The following CDIN1 variants were observed in gnomAD, a reference collection of about 807,000 sequenced individuals.
CDIN1 encodes CDAN1 interacting nuclease 1.
In CDIN1, 33 loss-of-function variants were observed where a neutral mutation model predicts 45.3. The observed-to-expected ratio is 0.73, with a 90% confidence interval of 0.55 to 0.97. The LOEUF is 0.97. Among genes scored for constraint, CDIN1 ranks in the 50% least tolerant of loss-of-function variants. CDIN1 has a pLI of 0.00. For synonymous variants in CDIN1, 118 were observed against 124.4 expected (o/e 0.95, Z 0.34); for missense variants, 303 against 339.4 (o/e 0.89, Z 0.84).
chr15:36,791,123 AAAT>A (rs2054634995), intron 10 of CDIN1, among the ~76,000 whole-genome samples: 1 of 152,218 alleles, frequency 6.6e-6, no homozygotes, highest in South Asian at 2.1e-4. Context: ...GAACAAAGGC[AAAT>A]GAATCAGTAA....
chr15:36,648,427 ATTTTTT>A (rs4008147), intron 3 of CDIN1, among the ~76,000 whole-genome samples: 1 of 91,068 alleles, frequency 1.1e-5, no homozygotes, highest in Admixed American at 1.7e-4. Context: ...CCAATATTCT[ATTTTTT>A]TTTTTTTTTT....
At chr15:36,654,461 G>T (rs923200598) in intron 4 of CDIN1, among the ~76,000 whole-genome samples, 1 of 140,210 alleles carries the variant, frequency 7.1e-6, no homozygotes, top group East Asian at 2.1e-4. Flanking sequence ...CTTAGGATAG[G>T]TTGTCTTAAT....
chr15:36,676,101 T>C (rs928396222), intron 5 of CDIN1, among the ~76,000 whole-genome samples: 72 of 152,280 alleles, frequency 4.7e-4, no homozygotes, highest in African/African-American at 1.5e-3. Context: ...GCACTGTCCC[T>C]GGCTGTAATT....
chr15:36,584,810 G>A (rs1326677909), intron 1 of CDIN1, among the ~76,000 whole-genome samples: 2 of 152,194 alleles, frequency 1.3e-5, no homozygotes, highest in African/African-American at 2.4e-5. Flanking sequence ...TCACGCAGAC[G>A]TCAGGAGAAC....
chr15:36,596,733 A>G (rs562139506), intron 1 of CDIN1, among the ~76,000 whole-genome samples: 1 of 152,242 alleles, frequency 6.6e-6, no homozygotes, highest in South Asian at 2.1e-4. Context: ...CAGCAAGACA[A>G]CCAATTAGAT....
intron 1 of CDIN1, chr15:36,618,047 AGT>A: frequency 1.3e-6 from 1 of 774,402 alleles, no homozygotes; most frequent in Non-Finnish European, 2.4e-6. Context: ...CTCGGTCTAT[AGT>A]ATTATTCCTC....
chr15:36,684,230 T>C (rs1207140492), intron 5 of CDIN1, among the ~76,000 whole-genome samples: 5 of 150,968 alleles, frequency 3.3e-5, no homozygotes, highest in Non-Finnish European at 7.4e-5. Flanking sequence ...ATAGCTCTTA[T>C]TATTTTGAAA....
intron 3 of CDIN1, among the ~76,000 whole-genome samples, chr15:36,652,150 A>G (rs908782054): frequency 6.6e-6 from 1 of 152,182 alleles, no homozygotes; most frequent in African/African-American, 2.4e-5. Flanking sequence ...ATCTAAGTTT[A>G]CATTTTATTC....
chr15:36,709,135 T>TAAGAA (rs2042966979), intron 8 of CDIN1, 88 bp from the exon 9 acceptor site: 2 of 1,109,514 alleles, frequency 1.8e-6, no homozygotes, highest in Admixed American at 5.5e-5. Flanking sequence ...TAGTAATTTT[T>TAAGAA]ATACATATTT....
chr15:36,659,835 A>G (rs2040926031), intron 5 of CDIN1, among the ~76,000 whole-genome samples: 1 of 152,134 alleles, frequency 6.6e-6, no homozygotes, highest in Non-Finnish European at 1.5e-5. Flanking sequence ...TTGAGGGTTT[A>G]TCATTTCAAA....
At chr15:36,665,632 G>A (rs533979849) in intron 5 of CDIN1, among the ~76,000 whole-genome samples, 8 of 152,136 alleles carry the variant, frequency 5.3e-5, no homozygotes, top group South Asian at 2.1e-4. Context: ...CTGAAGAGAC[G>A]CACAGAATCA....
chr15:36,651,834 G>T (rs150760042), intron 3 of CDIN1, among the ~76,000 whole-genome samples: 1 of 152,260 alleles, frequency 6.6e-6, no homozygotes, highest in Non-Finnish European at 1.5e-5. Context: ...GTATGGTCAT[G>T]CTTTTAATAT....
In CDIN1 at chr15:36,773,062, G is replaced by C. The variant is rs866881129; in HGVS notation, c.717-35262G>C. On this transcript the variant is annotated intron_variant, in intron 10 of 10. Transcript: ENST00000566621. ...CAAGAAGCCCCTCATTCTTCATCCT[G>C]TTTGTGGGGGGTGGGGGGAGGTTCA... 4.0e-5 allele frequency among the ~76,000 whole-genome samples: 6 copies of C among 151,272 alleles called. No individual in the cohort carries two copies. The South Asian group carries it at 6.4e-4, about 16-fold the overall frequency.
chr15:36,651,763 C>G (rs2040585250), intron 3 of CDIN1, among the ~76,000 whole-genome samples: 1 of 152,108 alleles, frequency 6.6e-6, no homozygotes, highest in Admixed American at 6.5e-5. Context: ...GGTTTGGTTT[C>G]TTTATATGAC....
chr15:36,771,937 A>AC (rs776524651), intron 10 of CDIN1, among the ~76,000 whole-genome samples: 2 of 151,576 alleles, frequency 1.3e-5, no homozygotes, highest in Non-Finnish European at 2.9e-5. Context: ...CAAAAAAAAA[A>AC]AAAAAAGAAG....
At chr15:36,764,228 T>G (rs1284314268) in intron 10 of CDIN1, among the ~76,000 whole-genome samples, 1 of 150,758 alleles carries the variant, frequency 6.6e-6, no homozygotes, top group Non-Finnish European at 1.5e-5. Flanking sequence ...TTTTTTTTTT[T>G]TTTTTGTCAT....
At chr15:36,668,038 A>G (rs1323618908) in intron 5 of CDIN1, 1 of 152,112 alleles carries the variant, frequency 6.6e-6, no homozygotes, top group Non-Finnish European at 1.5e-5. Flanking sequence ...AAAACTGATT[A>G]TTATGTGTAG....
chr15:36,739,537 A>C (rs924973833), intron 10 of CDIN1, among the ~76,000 whole-genome samples: 1 of 152,240 alleles, frequency 6.6e-6, no homozygotes, highest in Non-Finnish European at 1.5e-5. Flanking sequence ...TACCAACTTA[A>C]AGAAAAATTA....
In CDIN1 at chr15:36,592,343, T is replaced by A. The variant is rs144979828; in HGVS notation, c.101+12382T>A. On this transcript the variant is annotated intron_variant, in intron 1 of 10. Transcript: ENST00000566621. ...AGTAGGAGTATTTACACCACAGAAA[T>A]TGGCAAATGGTACAACCTGGGCTTG... 2.5e-3 allele frequency among the ~76,000 whole-genome samples: 388 copies of A among 152,264 alleles called. 2 individuals carry two copies. The highest frequency in any genetic ancestry group is 9.1e-3 in the African/African-American group (380 of 41,546).
Sources: allele counts gnomAD v4.1 joint callset (sites outside exome capture counted in the v4.1 genomes callset), GRCh38; gene constraint gnomAD v4.1.1; transcripts MANE v1.5; gene names NCBI Gene and HGNC (gene_info 2026-07-23, HGNC 2026-07-21).